CRB1: variants seen among roughly 807,000 people sequenced by gnomAD.
CRB1 encodes the protein protein crumbs homolog 1.
A neutral mutation model predicts 120.0 loss-of-function variants in CRB1; 83 were observed. The observed-to-expected ratio is 0.69, with a 90% CI of 0.58 to 0.83. The LOEUF is 0.83. CRB1 is among the 40% of genes least tolerant of loss of function. CRB1 has a pLI of 0.00. For missense variants in CRB1, 1,699 were observed against 1,687.6 expected, an observed-to-expected ratio of 1.01 and a Z score of -0.12; for synonymous variants, 625 against 612.5, an observed-to-expected ratio of 1.02 and a Z score of -0.30.
chr1:197,345,742 A>G (rs1659733400), intron 3 of CRB1, among the ~76,000 whole-genome samples: 1 of 152,086 alleles, frequency 6.6e-6, no homozygotes, highest in African/African-American at 2.4e-5. Context: ...TCCTGACCGC[A>G]GGTGATCTAC....
At position 197,415,721 on chromosome 1, in the gene CRB1, C is replaced by T. The variant is rs562212844; in HGVS notation, c.1172-5279C>T. 7.7e-5 allele frequency among the ~76,000 whole-genome samples: 11 copies of T among 142,632 alleles called. No homozygotes were observed. The East Asian group carries it at 8.3e-4, about 11-fold the overall frequency. The allele number at this position is 142,632 out of a possible 152,430, so 93.6% of individuals were successfully genotyped here. A position where few individuals can be genotyped will look rare whatever the true frequency, so the allele number is the denominator to read the frequency against. On this transcript the variant is annotated intron_variant, in intron 5 of 11. Transcript: ENST00000367400. ...GCAGTGGTTTGATCTCGGCTCACTG[C>T]GAGCTCCGCCTCCCGGGTTGACGCC...
intron 9 of CRB1, among the ~76,000 whole-genome samples, chr1:197,436,370 G>T (rs1235538718): frequency 6.6e-6 from 1 of 151,982 alleles, no homozygotes; most frequent in Non-Finnish European, 1.5e-5. Flanking sequence ...AGGAAGAGAA[G>T]GGGTTGGTTT....
At chr1:197,258,155 A>C in the CRB1 span, among the ~76,000 whole-genome samples, 1 of 152,224 alleles carries the variant, frequency 6.6e-6, no homozygotes. Context: ...GTACATTTTA[A>C]AATAACTAAA....
At chr1:197,418,456 C>G (rs1239282962) in intron 5 of CRB1, among the ~76,000 whole-genome samples, 1 of 152,084 alleles carries the variant, frequency 6.6e-6, no homozygotes, top group African/African-American at 2.4e-5. Flanking sequence ...GTGGGCGTCT[C>G]TAAGAAAGAT....
chr1:197,386,485 A>C (rs1363013122), intron 5 of CRB1, among the ~76,000 whole-genome samples: 1 of 152,168 alleles, frequency 6.6e-6, no homozygotes, highest in Non-Finnish European at 1.5e-5. Flanking sequence ...AAGTCCCTGC[A>C]TCTCTGCATG....
In CRB1 at chr1:197,428,918, C is replaced by T. The variant is rs138058746; in HGVS notation, c.2677-531C>T. ...TTTTTAAATACTTTCATTTTGAATA[C>T]TTTTTGTGAGCAACCTTGTGAGAAC... On this transcript the variant is annotated intron_variant, in intron 7 of 11. Coordinates refer to ENST00000367400, the MANE Select transcript of CRB1 (RefSeq NM_201253.3). The T allele has an allele frequency of 4.0e-6, 6 of 1,502,006 alleles. No homozygotes were observed. In the East Asian group the frequency reaches 1.5e-4, roughly 37 times the overall value. 93.0% of individuals were successfully genotyped at this position (1,502,006 alleles called of 1,614,324 possible). A position where few individuals can be genotyped will look rare whatever the true frequency, so the allele number is the denominator to read the frequency against.
At chr1:197,381,591 C>A (rs754573681) in intron 5 of CRB1, among the ~76,000 whole-genome samples, 1 of 152,122 alleles carries the variant, frequency 6.6e-6, no homozygotes, top group African/African-American at 2.4e-5. Flanking sequence ...GTAGTAAATT[C>A]TCTCACTATA....
the CRB1 span, among the ~76,000 whole-genome samples, chr1:197,259,538 G>T: frequency 6.6e-6 from 1 of 152,158 alleles, no homozygotes; most frequent in Non-Finnish European, 1.5e-5. Context: ...TGGGGTGGGG[G>T]CAAGGGGAGG....
the CRB1 span, among the ~76,000 whole-genome samples, chr1:197,225,930 C>T: frequency 2.6e-4 from 39 of 152,058 alleles, no homozygotes; most frequent in African/African-American, 8.4e-4. Context: ...AGACGGTAAT[C>T]GCACTCTGTC....
chr1:197,301,674 AG>A (rs1472140448), intron 1 of CRB1, among the ~76,000 whole-genome samples: 1 of 152,242 alleles, frequency 6.6e-6, no homozygotes, highest in East Asian at 1.9e-4. Context: ...GATTCATGGG[AG>A]GAGGTCAAAA....
chr1:197,287,860 C>T (rs1003481525), intron 1 of CRB1, among the ~76,000 whole-genome samples: 2 of 151,820 alleles, frequency 1.3e-5, no homozygotes, highest in African/African-American at 4.8e-5. Flanking sequence ...GGACTGGATT[C>T]ACCCTCCAGC....
chr1:197,219,447 A>G, the CRB1 span, among the ~76,000 whole-genome samples: 7 of 152,358 alleles, frequency 4.6e-5, no homozygotes, highest in African/African-American at 1.7e-4. Context: ...AGAGGATTAA[A>G]AGAGACAATC....
At chr1:197,427,394 T>C in intron 6 of CRB1, 60 bp from the exon 7 acceptor site, 1 of 1,515,474 alleles carries the variant, frequency 6.6e-7, no homozygotes, top group East Asian at 2.3e-5. Flanking sequence ...ATCCCTTCTG[T>C]CTTTTGAGCC....
the CRB1 span, among the ~76,000 whole-genome samples, chr1:197,210,733 T>C: frequency 6.6e-6 from 1 of 152,090 alleles, no homozygotes; most frequent in Non-Finnish European, 1.5e-5. Flanking sequence ...CCAACATCCA[T>C]GTCTCTAAGA....
the CRB1 span, among the ~76,000 whole-genome samples, chr1:197,248,643 A>T: frequency 6.6e-6 from 1 of 151,956 alleles, no homozygotes; most frequent in Non-Finnish European, 1.5e-5. Flanking sequence ...TCTGAAGTTG[A>T]TGTTAAAATA....
At chr1:197,339,320 T>C (rs951701002) in intron 2 of CRB1, among the ~76,000 whole-genome samples, 2 of 152,172 alleles carry the variant, frequency 1.3e-5, no homozygotes, top group Non-Finnish European at 2.9e-5. Context: ...TGTAAATCTA[T>C]CACTATAATG....
the CRB1 span, among the ~76,000 whole-genome samples, chr1:197,238,808 C>T: frequency 6.6e-6 from 1 of 151,760 alleles, no homozygotes; most frequent in African/African-American, 2.4e-5. Flanking sequence ...CATACCACTG[C>T]ACTACAGCCT....
At chr1:197,219,613 G>A in the CRB1 span, among the ~76,000 whole-genome samples, 1 of 152,220 alleles carries the variant, frequency 6.6e-6, no homozygotes, top group Admixed American at 6.5e-5. Flanking sequence ...GTCGCACAGC[G>A]AATACGCAGA....
the CRB1 span, among the ~76,000 whole-genome samples, chr1:197,215,943 T>G: frequency 6.6e-6 from 1 of 152,346 alleles, no homozygotes; most frequent in African/African-American, 2.4e-5. Context: ...ATATCTGCAT[T>G]TTTCTTTGCA....
Sources: allele counts gnomAD v4.1 joint callset (sites outside exome capture counted in the v4.1 genomes callset), GRCh38; gene constraint gnomAD v4.1.1; transcripts MANE v1.5; gene names NCBI Gene and HGNC (gene_info 2026-07-23, HGNC 2026-07-21).